Variants in GPC6 observed in about 807,000 individuals in gnomAD.
GPC6 encodes the protein glypican-6.
Under a neutral mutation model 55.2 loss-of-function variants are expected in GPC6, and 14 were observed. The ratio of observed to expected loss-of-function variants is 0.25; its 90% CI spans 0.17 to 0.40. The LOEUF is 0.40. GPC6 is among the 10% of genes least tolerant of loss of function. The pLI, the probability that GPC6 is intolerant of heterozygous loss-of-function variation, is 1.00. For missense variants in GPC6, 641 were observed against 708.5 expected, an observed-to-expected ratio of 0.90 and a Z score of 1.08; for synonymous variants, 278 against 259.6, an observed-to-expected ratio of 1.07 and a Z score of -0.68.
chr13:93,410,636 T>G (rs1287983957), intron 1 of GPC6, among the ~76,000 whole-genome samples: 2 of 152,218 alleles, frequency 1.3e-5, no homozygotes, highest in Non-Finnish European at 2.9e-5. Context: ...CTAAGACTAC[T>G]ATATAATAAA....
intron 5 of GPC6, among the ~76,000 whole-genome samples, chr13:94,304,751 A>C (rs897908201): frequency 6.6e-6 from 1 of 152,238 alleles, no homozygotes; most frequent in African/African-American, 2.4e-5. Context: ...CACTGTGGAA[A>C]AGAACTGGCA....
intron 4 of GPC6, among the ~76,000 whole-genome samples, chr13:94,110,855 A>G (rs1375959967): frequency 6.6e-6 from 1 of 152,162 alleles, no homozygotes; most frequent in Non-Finnish European, 1.5e-5. Context: ...GTGAAAATGT[A>G]CAAGAATTTT....
At chr13:93,662,552 C>T (rs1260363659) in intron 2 of GPC6, among the ~76,000 whole-genome samples, 1 of 152,054 alleles carries the variant, frequency 6.6e-6, no homozygotes, top group African/African-American at 2.4e-5. Context: ...ATCGTTTGAA[C>T]CCGGGAGGCG....
intron 1 of GPC6, among the ~76,000 whole-genome samples, chr13:93,237,753 G>A (rs1198602759): frequency 6.6e-6 from 1 of 151,884 alleles, no homozygotes; most frequent in East Asian, 1.9e-4. Context: ...TATGGTGAGA[G>A]ATAGGGATCC....
intron 3 of GPC6, among the ~76,000 whole-genome samples, chr13:94,003,224 T>C (rs1242779434): frequency 6.6e-6 from 1 of 152,168 alleles, no homozygotes; most frequent in African/African-American, 2.4e-5. Flanking sequence ...AAGAAGGTAG[T>C]GTGTCAAAGG....
intron 3 of GPC6, among the ~76,000 whole-genome samples, chr13:93,976,597 G>C (rs1447546513): frequency 1.3e-5 from 2 of 150,994 alleles, no homozygotes; most frequent in South Asian, 4.2e-4. Context: ...GCAGTCACTT[G>C]TCTGGGACAA....
At chr13:94,175,811 T>C (rs1888728914) in intron 4 of GPC6, among the ~76,000 whole-genome samples, 1 of 148,608 alleles carries the variant, frequency 6.7e-6, no homozygotes, top group African/African-American at 2.4e-5. Flanking sequence ...AAGTTATATA[T>C]ATCTTTTATA....
intron 3 of GPC6, among the ~76,000 whole-genome samples, chr13:93,934,134 C>T (rs973940057): frequency 6.6e-6 from 1 of 152,150 alleles, no homozygotes; most frequent in Non-Finnish European, 1.5e-5. Context: ...TGTGTGAACA[C>T]ACTGGTGTGG....
At chr13:94,316,284 G>C (rs1354294025) in intron 6 of GPC6, among the ~76,000 whole-genome samples, 1 of 152,106 alleles carries the variant, frequency 6.6e-6, no homozygotes, top group Admixed American at 6.5e-5. Flanking sequence ...TTTCAGCATC[G>C]GATGCCAACG....
intron 1 of GPC6, among the ~76,000 whole-genome samples, chr13:93,358,724 G>T (rs557848137): frequency 6.6e-6 from 1 of 152,102 alleles, no homozygotes; most frequent in South Asian, 2.1e-4. Context: ...TTTTTTTCCT[G>T]TATTTGTTTT....
chr13:93,295,123 A>AAC (rs1299589830), intron 1 of GPC6, among the ~76,000 whole-genome samples: 1 of 149,258 alleles, frequency 6.7e-6, no homozygotes. Flanking sequence ...AAAAAAAAAA[A>AAC]AAAAAAAAAA....
chr13:94,188,772 G>A (rs1368132503), intron 4 of GPC6, among the ~76,000 whole-genome samples: 1 of 152,044 alleles, frequency 6.6e-6, no homozygotes, highest in Non-Finnish European at 1.5e-5. Flanking sequence ...CCATCCCATA[G>A]CTGGTGACCG....
At chr13:94,186,909 G>A (rs2138955978) in intron 4 of GPC6, 1 of 152,294 alleles carries the variant, frequency 6.6e-6, no homozygotes, top group Middle Eastern at 3.4e-3. Flanking sequence ...AACTTACGAA[G>A]GTTCGATTCT....
intron 1 of GPC6, among the ~76,000 whole-genome samples, chr13:93,425,138 G>A: frequency 6.6e-6 from 1 of 152,128 alleles, no homozygotes; most frequent in East Asian, 1.9e-4. Context: ...ATTTTAAAAT[G>A]AAAATTAATG....
chr13:94,312,703 C>T (rs1357012642), intron 6 of GPC6, among the ~76,000 whole-genome samples: 1 of 133,430 alleles, frequency 7.5e-6, no homozygotes, highest in Non-Finnish European at 1.6e-5. Flanking sequence ...CACGAAGACA[C>T]ACACGCACAC....
chr13:93,247,587 T>A (rs1186263819), intron 1 of GPC6, among the ~76,000 whole-genome samples: 1 of 152,196 alleles, frequency 6.6e-6, no homozygotes, highest in African/African-American at 2.4e-5. Flanking sequence ...TCAAGCATTA[T>A]GTTAAAAGCT....
intron 2 of GPC6, among the ~76,000 whole-genome samples, chr13:93,779,817 C>T (rs1885581498): frequency 2.0e-5 from 3 of 152,118 alleles, no homozygotes; most frequent in African/African-American, 2.4e-5. Flanking sequence ...AATGACACCC[C>T]AGGTCATCTG....
At chr13:94,296,847 A>T (rs950095536) in intron 5 of GPC6, among the ~76,000 whole-genome samples, 3 of 152,212 alleles carry the variant, frequency 2.0e-5, no homozygotes, top group Non-Finnish European at 2.9e-5. Flanking sequence ...TAACCTTAAG[A>T]GCATAGATAA....
At chr13:93,556,586 C>G (rs1875494647) in intron 2 of GPC6, among the ~76,000 whole-genome samples, 1 of 151,686 alleles carries the variant, frequency 6.6e-6, no homozygotes, top group Non-Finnish European at 1.5e-5. Flanking sequence ...AGTTAAGTTA[C>G]AGTTGACTAT....
Sources: allele counts gnomAD v4.1 joint callset (sites outside exome capture counted in the v4.1 genomes callset), GRCh38; gene constraint gnomAD v4.1.1; transcripts MANE v1.5; gene names NCBI Gene and HGNC (gene_info 2026-07-23, HGNC 2026-07-21).